The following GOLGA2 variants were observed in gnomAD, a reference collection of about 807,000 sequenced individuals.
GOLGA2 encodes the protein golgin A2.
GOLGA2 carries 49 observed loss-of-function variants against 148.8 expected under a neutral mutation model. That is an observed-to-expected ratio of 0.33 (90% CI 0.26 to 0.42). GOLGA2 has a LOEUF of 0.42. GOLGA2 is among the 10% of genes least tolerant of loss of function. GOLGA2 has a pLI of 1.00. For missense variants in GOLGA2, 1,178 were observed against 1,304.6 expected (o/e 0.90, Z 1.49); for synonymous variants, 501 against 511.8 (o/e 0.98, Z 0.28).
intron 12 of GOLGA2, among the ~76,000 whole-genome samples, chr9:128,264,742 A>G (rs1054397684): frequency 7.2e-5 from 11 of 152,168 alleles, no homozygotes; most frequent in African/African-American, 2.2e-4. Context: ...TCGAATTTAC[A>G]GCTGGCTAAC....
At chr9:128,267,107 C>A in intron 8 of GOLGA2, 87 bp downstream of exon 8, 1 of 970,764 alleles carries the variant, frequency 1.0e-6, no homozygotes, top group Non-Finnish European at 1.7e-6. Context: ...GCACCAGGGG[C>A]CCCCTGCCCC....
chr9:128,270,464 ACATAG>A (rs1200732365), intron 3 of GOLGA2, among the ~76,000 whole-genome samples: 2 of 152,092 alleles, frequency 1.3e-5, no homozygotes, highest in Non-Finnish European at 2.9e-5. Context: ...TTTCTGACAC[ACATAG>A]CATGATTATT....
chr9:128,266,105 T>A lies in GOLGA2; in HGVS notation c.682-85A>T. Reference sequence around the variant, plus strand: ...ACATGCCCCCAGAATGCCACCAATGTCCCAGGACAGGCCCACCCATGGGAC... The same window carrying A: ...ACATGCCCCCAGAATGCCACCAATGACCCAGGACAGGCCCACCCATGGGAC... On this transcript the variant is annotated intron_variant, in intron 9 of 26. Coordinates refer to ENST00000611957, the MANE Select transcript of GOLGA2 (RefSeq NM_001366244.2). This position sits in a 1 kb window ranked among gnomAD's most constrained non-coding sequence, Gnocchi z 4.2. The A allele has an allele frequency of 1.4e-6, 2 of 1,418,902 alleles. No individual in the cohort carries two copies. The highest frequency in any genetic ancestry group is 3.5e-4 in the Middle Eastern group (2 of 5,712). The allele number at this position is 1,418,902 out of a possible 1,614,324, so 87.9% of individuals were successfully genotyped here.
chr9:128,265,876 G>A lies in GOLGA2; in HGVS notation c.738C>T (p.His246=). Residue 246 remains histidine, a synonymous_variant, in exon 11 of 27, where the codon CAC becomes CAT. Coordinates refer to ENST00000611957, the MANE Select transcript of GOLGA2 (RefSeq NM_001366244.2). ...QGALREQLQV[H]IQTIGILVSE... is the part of the protein sequence containing the mutation. Reference sequence around the variant, plus strand: ...ATACGAGGATCCCTATGGTCTGAATGTGAACCTTTGGGAGGAAACCCAAGC... The same window carrying A: ...ATACGAGGATCCCTATGGTCTGAATATGAACCTTTGGGAGGAAACCCAAGC... The A allele has an allele frequency of 6.2e-7, 1 of 1,612,158 alleles. No individual in the cohort carries two copies. The highest frequency in any genetic ancestry group is 8.5e-7 in the Non-Finnish European group (1 of 1,178,166).
rs757197309 is a variant in GOLGA2, at chr9:128,273,901, A to G, written c.156T>C (p.Asn52=). The G allele has an allele frequency of 5.6e-6, 9 of 1,613,844 alleles. No individual in the cohort carries two copies. Among genetic ancestry groups the G allele is most frequent in the Non-Finnish European group, 7.6e-6 (9 of 1,179,782 alleles). Residue 52 remains asparagine, a synonymous_variant, in exon 2 of 27, where the codon AAT becomes AAC. Coordinates refer to ENST00000611957, the MANE Select transcript of GOLGA2 (RefSeq NM_001366244.2). ...TGAKKKKKIK[N]GSNPETTTSG... The stretch of plus-strand genomic sequence containing the variant: ...AAGTGGTTGTCTCAGGGTTACTGCC[A>G]TTTTTTATTTTCTTCTTCTTTTTCG...
At chr9:128,262,777 C>T in intron 13 of GOLGA2, 73 bp from the exon 14 acceptor site, 1 of 1,397,406 alleles carries the variant, frequency 7.2e-7, no homozygotes, top group East Asian at 2.3e-5. Context: ...CACCCTCTAC[C>T]CTTGCCCCAC....
In GOLGA2 at chr9:128,260,321, A is replaced by G. The variant is rs1830178787; in HGVS notation, c.1759-132T>C. Reference sequence around the variant, plus strand: ...AGAAAAATCATCCCCTCTCCCCCACAGCCATCGGAGCAGGGCTCTGGCTCA... The same window carrying G: ...AGAAAAATCATCCCCTCTCCCCCACGGCCATCGGAGCAGGGCTCTGGCTCA... On this transcript the variant is annotated intron_variant, in intron 18 of 26. Transcript: ENST00000611957. The surrounding 1 kb of genome is among the most constrained non-coding windows in gnomAD (Gnocchi z 4.8). 1.9e-6 allele frequency: 2 copies of G among 1,076,110 alleles called. No homozygotes were observed. The highest frequency in any genetic ancestry group is 2.8e-6 in the Non-Finnish European group (2 of 707,678). The allele number at this position is 1,076,110 out of a possible 1,614,324, so 66.7% of individuals were successfully genotyped here.
In GOLGA2 at chr9:128,260,980, G is replaced by A. The variant is rs1035941705; in HGVS notation, c.1421-178C>T. On this transcript the variant is annotated intron_variant, in intron 17 of 26. Coordinates refer to ENST00000611957, the MANE Select transcript of GOLGA2 (RefSeq NM_001366244.2). This position sits in a 1 kb window ranked among gnomAD's most constrained non-coding sequence, Gnocchi z 4.8. The stretch of plus-strand genomic sequence containing the variant: ...GCGACAACTGTGGGTGGCTGACAAC[G>A]GGCACTCCTTCGTCTTTGCTGATGG... 4.5e-6 allele frequency: 3 copies of A among 661,514 alleles called. No homozygotes were observed. Among genetic ancestry groups the A allele is most frequent in the East Asian group, 5.4e-5 (2 of 36,966 alleles). 41.0% of individuals were successfully genotyped at this position (661,514 alleles called of 1,614,324 possible). A position where few individuals can be genotyped will look rare whatever the true frequency, so the allele number is the denominator to read the frequency against.
At chr9:128,267,386 C>G in intron 7 of GOLGA2, 72 bp downstream of exon 7, 1 of 1,478,514 alleles carries the variant, frequency 6.8e-7, no homozygotes, top group Non-Finnish European at 9.5e-7. Flanking sequence ...GAGGGGCACC[C>G]AGCCCCCGCT....
In GOLGA2 at chr9:128,268,153, T is replaced by C. The variant is rs1222069557; in HGVS notation, c.401A>G (p.Asp134Gly). ...CATGAGATTAGGGACATTGTCAGCA[T>C]CATGATTCTGTTTGGGAAGAAACGT... ...LTSMAASQNH[D>G]ADNVPNLMDE... is the part of the protein sequence containing the mutation. The change falls in exon 5 of 27, where the codon GAT becomes GGT. Residue 134 changes from aspartate (D) to glycine (G), a missense_variant. By Grantham distance (94) the Asp-to-Gly change is moderately conservative. Around this residue, in one of 5 missense-constraint regions of GOLGA2, gnomAD observed 304 missense variants for 404.1 expected, o/e 0.75. Transcript: ENST00000611957. 1 of 1,613,266 alleles carries C rather than the reference T, an allele frequency of 6.2e-7. No individual in the cohort carries two copies. The highest frequency in any genetic ancestry group is 8.5e-7 in the Non-Finnish European group (1 of 1,179,242).
intron 3 of GOLGA2, among the ~76,000 whole-genome samples, chr9:128,269,999 G>A (rs946388864): frequency 6.6e-6 from 1 of 152,124 alleles, no homozygotes; most frequent in African/African-American, 2.4e-5. Context: ...TTCAGTTGCT[G>A]GCCAGGCATT....
rs1336251615 is a variant in GOLGA2 at position 128,273,954 on chromosome 9, TCTG to T, written c.100_102del (p.Gln34del). On this transcript the variant is annotated inframe_deletion, in exon 2 of 27. Coordinates refer to ENST00000611957, the MANE Select transcript of GOLGA2 (RefSeq NM_001366244.2). ...CCTGTAGGAACACCAGGGCTATTCC[TCTG>T]CTGATATTCTCTCAACTGTGGAAAA... 1 of 1,613,304 alleles carries T rather than the reference TCTG, an allele frequency of 6.2e-7. No individual in the cohort carries two copies.
chr9:128,257,280 A>T lies in GOLGA2; in HGVS notation c.2877T>A (p.Asp959Glu). Reference protein sequence around the residue: ...QELGAANQQGDLCEVSLAGSV... With the variant: ...QELGAANQQGELCEVSLAGSV... ...TGCCGGCGAGGCTCACCTCGCAAAG[A>T]TCTTTGGAGAGAGAGAGGCAGGGCT... is the stretch of plus-strand genomic sequence containing the variant. The change falls in exon 27 of 27, where the codon GAT becomes GAA. Residue 959 changes from aspartate (D) to glutamate (E), a missense_variant and splice_region_variant. By Grantham distance (45) the Asp-to-Glu change is conservative. Coordinates refer to ENST00000611957, the MANE Select transcript of GOLGA2 (RefSeq NM_001366244.2). The surrounding 1 kb of genome is among the most constrained non-coding windows in gnomAD (Gnocchi z 8.0). The T allele has an allele frequency of 6.2e-7, 1 of 1,612,580 alleles. No individual in the cohort carries two copies. The highest frequency in any genetic ancestry group is 8.5e-7 in the Non-Finnish European group (1 of 1,179,634).
chr9:128,270,718 C>T (rs1830887754), intron 3 of GOLGA2, among the ~76,000 whole-genome samples: 1 of 151,958 alleles, frequency 6.6e-6, no homozygotes. Context: ...ACAAAACCTA[C>T]ATTGGAAACA....
At position 128,261,470 on chromosome 9, in the gene GOLGA2, T is replaced by C. The variant is rs766238964; in HGVS notation, c.1316A>G (p.Gln439Arg). The C allele has an allele frequency of 1.3e-6, 2 of 1,597,298 alleles. No homozygotes were observed. The highest frequency in any genetic ancestry group is 1.7e-4 in the Middle Eastern group (1 of 6,036). Residue 439 changes from glutamine (Q) to arginine (R), a missense_variant, in exon 16 of 27, where the codon CAG (glutamine) becomes CGG (arginine). Gln to Arg is a conservative substitution (Grantham distance 43). Coordinates refer to ENST00000611957, the MANE Select transcript of GOLGA2 (RefSeq NM_001366244.2). The surrounding 1 kb of genome is among the most constrained non-coding windows in gnomAD (Gnocchi z 5.7). Reference protein sequence around the residue: ...GESAMWRQRMQQMSEQVHTLR... With the variant: ...GESAMWRQRMRQMSEQVHTLR... The stretch of plus-strand genomic sequence containing the variant: ...AGGTCTCACCTGCTCTGACATCTGC[T>C]GCATCCTCTGCCGCCACATGGCGCT...
intron 12 of GOLGA2, 105 bp downstream of exon 12, chr9:128,265,480 C>T: frequency 1.1e-6 from 1 of 884,898 alleles, no homozygotes; most frequent in Non-Finnish European, 1.9e-6. Flanking sequence ...ATGGCCCATG[C>T]TGCCTTCTAG....
chr9:128,275,651 G>T (rs1342101727), intron 1 of GOLGA2, among the ~76,000 whole-genome samples: 1 of 152,164 alleles, frequency 6.6e-6, no homozygotes, highest in Non-Finnish European at 1.5e-5. Flanking sequence ...GGTGAGGGCC[G>T]AGTCTGGAGC....
Position 128,257,645 on chromosome 9 carries a change from CCTT to C in GOLGA2, c.2671_2673del (p.Lys891del). 1 of 1,614,192 alleles carries C rather than the reference CCTT, an allele frequency of 6.2e-7. No individual in the cohort carries two copies. Among genetic ancestry groups the C allele is most frequent in the Non-Finnish European group, 8.5e-7 (1 of 1,180,030 alleles). ...TGGGCCAGCCTGCTGATGTACTCCT[CCTT>C]CTCCCGGTGCCGCTCCTTCAGCACT... On this transcript the variant is annotated inframe_deletion, in exon 25 of 27. Transcript: ENST00000611957. The surrounding 1 kb of genome is among the most constrained non-coding windows in gnomAD (Gnocchi z 8.0).
chr9:128,267,862 T>C (rs1830688305), intron 6 of GOLGA2, 72 bp downstream of exon 6: 1 of 1,221,020 alleles, frequency 8.2e-7, no homozygotes, highest in Non-Finnish European at 1.2e-6. Flanking sequence ...CTCTCTCTTG[T>C]GAATCCCTGC....
Sources: allele counts gnomAD v4.1 joint callset (sites outside exome capture counted in the v4.1 genomes callset), GRCh38; gene constraint gnomAD v4.1.1; regional missense constraint gnomAD v4.1.1; non-coding constraint Gnocchi (gnomAD v3.1); transcripts MANE v1.5; gene names NCBI Gene and HGNC (gene_info 2026-07-23, HGNC 2026-07-21).